PDE1C: variants seen among roughly 807,000 people sequenced by gnomAD.
PDE1C encodes dual specificity calcium/calmodulin-dependent 3',5'-cyclic nucleotide phosphodiesterase 1C.
PDE1C carries 62 observed loss-of-function variants against 93.1 expected under a neutral mutation model. That is an observed-to-expected ratio of 0.67 (90% confidence interval 0.54 to 0.82). The LOEUF is 0.82. Among genes scored for constraint, PDE1C ranks in the 40% least tolerant of loss-of-function variants. PDE1C has a pLI of 0.00. For synonymous variants in PDE1C, 325 were observed against 310.1 expected, an observed-to-expected ratio of 1.05 and a Z score of -0.50; for missense variants, 742 against 884.6, an observed-to-expected ratio of 0.84 and a Z score of 2.04.
At chr7:32,083,143 C>A (rs545919799) in intron 3 of PDE1C, among the ~76,000 whole-genome samples, 24 of 152,196 alleles carry the variant, frequency 1.6e-4, no homozygotes, top group African/African-American at 5.5e-4. Flanking sequence ...ATAACCAATA[C>A]AGAGAAGTGC....
At chr7:31,850,514 G>C in intron 8 of PDE1C, 127 bp downstream of exon 8, 1 of 680,126 alleles carries the variant, frequency 1.5e-6, no homozygotes, top group South Asian at 1.7e-5. Context: ...CTCATTTAGA[G>C]GTTCATTGTT....
At chr7:32,071,629 T>C, upstream of PDE1C, among the ~76,000 whole-genome samples, 1 of 152,178 alleles carries the variant, frequency 6.6e-6, no homozygotes, top group Non-Finnish European at 1.5e-5. Flanking sequence ...GCTGGGCGGC[T>C]GTGGATGGTG....
chr7:32,206,768 C>T (rs1805586342), intron 2 of PDE1C, among the ~76,000 whole-genome samples: 1 of 152,246 alleles, frequency 6.6e-6, no homozygotes, highest in Non-Finnish European at 1.5e-5. Flanking sequence ...CCCGGTGGCT[C>T]TCGCCCCAGG....
the PDE1C span, among the ~76,000 whole-genome samples, chr7:31,733,443 C>T: frequency 8.9e-4 from 136 of 152,226 alleles, no homozygotes; most frequent in Admixed American, 3.1e-3. Flanking sequence ...ATCTCATAGG[C>T]AGAGAACAGC....
chr7:32,423,666 C>A (rs1255432415), intron 1 of PDE1C, among the ~76,000 whole-genome samples: 1 of 152,144 alleles, frequency 6.6e-6, no homozygotes, highest in Non-Finnish European at 1.5e-5. Flanking sequence ...GAGGACCCAG[C>A]TAGAGACAAA....
At chr7:31,759,327 C>G (rs1386485616) in intron 17 of PDE1C, among the ~76,000 whole-genome samples, 1 of 152,070 alleles carries the variant, frequency 6.6e-6, no homozygotes, top group South Asian at 2.1e-4. Context: ...CTGGCTATAC[C>G]TAAACTATCG....
At chr7:31,887,567 A>G (rs1231892599) in intron 2 of PDE1C, among the ~76,000 whole-genome samples, 1 of 152,252 alleles carries the variant, frequency 6.6e-6, no homozygotes, top group Non-Finnish European at 1.5e-5. Context: ...GTAATGTTAT[A>G]GAAGATTTTG....
At chr7:31,753,576 C>G (rs770373765) in intron 17 of PDE1C, 23 bp from the exon 18 acceptor site, 1 of 1,603,310 alleles carries the variant, frequency 6.2e-7, no homozygotes, top group Non-Finnish European at 8.5e-7. Context: ...GAAAGGAAGA[C>G]AGACAACGGT....
chr7:32,371,321 A>G (rs1784329161), intron 1 of PDE1C, among the ~76,000 whole-genome samples: 1 of 152,216 alleles, frequency 6.6e-6, no homozygotes, highest in Non-Finnish European at 1.5e-5. Flanking sequence ...ACCCCGTTAC[A>G]TGCCCACTAA....
chr7:31,689,785 C>T, the PDE1C span, among the ~76,000 whole-genome samples: 1 of 152,302 alleles, frequency 6.6e-6, no homozygotes, highest in South Asian at 2.1e-4. Context: ...GTAATGACAT[C>T]ATTCATGATA....
At chr7:32,425,000 G>A (rs1487872439) in intron 1 of PDE1C, among the ~76,000 whole-genome samples, 3 of 151,998 alleles carry the variant, frequency 2.0e-5, no homozygotes, top group Non-Finnish European at 4.4e-5. Flanking sequence ...ACCTCTATAT[G>A]CCTTAATGTC....
intron 1 of PDE1C, among the ~76,000 whole-genome samples, chr7:32,374,295 GA>G (rs1023678783): frequency 6.7e-6 from 1 of 150,020 alleles, no homozygotes; most frequent in African/African-American, 2.5e-5. Flanking sequence ...AAGAAAGAAA[GA>G]AAGAAAGAAA....
At chr7:31,976,927 A>C (rs6949456) in intron 2 of PDE1C, among the ~76,000 whole-genome samples, 91,833 of 151,910 alleles carry the variant, frequency 0.6, 28,642 homozygotes, top group African/African-American at 0.77. Flanking sequence ...GTCCCAGGAC[A>C]AGAAGCATCA....
chr7:31,763,322 G>T (rs1794946326), intron 17 of PDE1C, among the ~76,000 whole-genome samples: 1 of 151,946 alleles, frequency 6.6e-6, no homozygotes, highest in African/African-American at 2.4e-5. Flanking sequence ...TCTTACCATG[G>T]GCATTAGATG....
At chr7:31,879,963 A>G (rs1008881750) in intron 3 of PDE1C, among the ~76,000 whole-genome samples, 1 of 152,162 alleles carries the variant, frequency 6.6e-6, no homozygotes, top group African/African-American at 2.4e-5. Flanking sequence ...AGGAAACATA[A>G]CATTTGGAAA....
upstream of PDE1C, chr7:32,071,096 G>C (rs1381594132): frequency 2.0e-6 from 2 of 985,310 alleles, no homozygotes; most frequent in Non-Finnish European, 2.4e-6. Flanking sequence ...GGGCACCGCC[G>C]TCTGCCGGGC....
At chr7:32,294,118 C>T (rs776492086) in intron 1 of PDE1C, among the ~76,000 whole-genome samples, 2 of 152,080 alleles carry the variant, frequency 1.3e-5, no homozygotes, top group African/African-American at 2.4e-5. Flanking sequence ...AGGAGCAAAC[C>T]TCCTCCCTTC....
At chr7:32,283,731 C>T (rs950259691) in intron 1 of PDE1C, among the ~76,000 whole-genome samples, 3 of 152,306 alleles carry the variant, frequency 2.0e-5, no homozygotes, top group Non-Finnish European at 4.4e-5. Context: ...TCAACGGTCC[C>T]GTCCCAATGC....
chr7:32,405,253 C>T (rs1358162464), intron 1 of PDE1C, among the ~76,000 whole-genome samples: 1 of 138,880 alleles, frequency 7.2e-6, no homozygotes, highest in Non-Finnish European at 1.6e-5. Context: ...TTTCTTTTTT[C>T]TTTTTTTTTT....
Sources: allele counts gnomAD v4.1 joint callset (sites outside exome capture counted in the v4.1 genomes callset), GRCh38; gene constraint gnomAD v4.1.1; transcripts MANE v1.5; gene names NCBI Gene and HGNC (gene_info 2026-07-23, HGNC 2026-07-21).